The following ARRDC3 variants were observed in gnomAD, a reference collection of about 807,000 sequenced individuals.
The protein encoded by ARRDC3 is arrestin domain-containing protein 3.
In ARRDC3, 10 loss-of-function variants were observed where a neutral mutation model predicts 47.2. The ratio of observed to expected loss-of-function variants is 0.21; its 90% confidence interval spans 0.13 to 0.36. The LOEUF is 0.36. Among genes scored for constraint, ARRDC3 ranks in the 10% least tolerant of loss-of-function variants. The pLI, the probability that ARRDC3 is intolerant of heterozygous loss-of-function variation, is 1.00. For missense variants in ARRDC3, 381 were observed against 503.6 expected (o/e 0.76, Z 2.33); for synonymous variants, 156 against 178.3 (o/e 0.87, Z 1.00).
rs539765237 is a variant in ARRDC3 at position 91,374,410 on chromosome 5, C to A, written c.871-134G>T. 2.7e-5 allele frequency: 20 copies of A among 739,742 alleles called. No individual in the cohort carries two copies. The East Asian group carries it at 4.9e-4, about 18-fold the overall frequency. 45.8% of individuals were successfully genotyped at this position (739,742 alleles called of 1,614,324 possible). On this transcript the variant is annotated intron_variant, in intron 5 of 7. Transcript: ENST00000265138. Reference sequence around the variant, plus strand: ...AAACTTACATACATGAAAAGTTTCTCTTTTATGTATAATTCTGTATAGTAC... The same window carrying A: ...AAACTTACATACATGAAAAGTTTCTATTTTATGTATAATTCTGTATAGTAC...
In ARRDC3 at chr5:91,371,085, C is replaced by A; in HGVS notation, c.*315G>T. On this transcript the variant is annotated 3_prime_UTR_variant, in exon 8 of 8. Transcript: ENST00000265138. ...TAAGCATTGAGCATGTGCAAATTTT[C>A]AAATCAAAAGAAGGAAATCATCCCT... 1 of 233,156 alleles carries A rather than the reference C, an allele frequency of 4.3e-6. No individual in the cohort carries two copies. The highest frequency in any genetic ancestry group is 8.3e-6 in the Non-Finnish European group (1 of 121,196). 14.4% of individuals were successfully genotyped at this position (233,156 alleles called of 1,614,324 possible).
At chr5:91,379,322 G>C (rs1407953753) in intron 1 of ARRDC3, among the ~76,000 whole-genome samples, 1 of 139,158 alleles carries the variant, frequency 7.2e-6, no homozygotes, top group Admixed American at 7.1e-5. Flanking sequence ...GCCACACATT[G>C]ATTTTAATGT....
At chr5:91,381,392 A>G (rs1799455287) in intron 1 of ARRDC3, among the ~76,000 whole-genome samples, 1 of 152,236 alleles carries the variant, frequency 6.6e-6, no homozygotes, top group African/African-American at 2.4e-5. Flanking sequence ...TCAGAAAGGT[A>G]CAAACACAAA....
chr5:91,380,023 C>T (rs923645196), intron 1 of ARRDC3: 1 of 152,228 alleles, frequency 6.6e-6, no homozygotes, highest in Non-Finnish European at 1.5e-5. Flanking sequence ...CTCGAAGGCG[C>T]CCGAAGTTCG....
At chr5:91,375,451 A>G (rs1799279177) in intron 4 of ARRDC3, 60 bp downstream of exon 4, 3 of 1,170,916 alleles carry the variant, frequency 2.6e-6, no homozygotes, top group Non-Finnish European at 3.7e-6. Flanking sequence ...TCATATTATA[A>G]ATTTAAACAC....
chr5:91,379,467 C>A (rs1284101646), intron 1 of ARRDC3, among the ~76,000 whole-genome samples: 1 of 151,894 alleles, frequency 6.6e-6, no homozygotes, highest in East Asian at 1.9e-4. Flanking sequence ...TTACAAAGAA[C>A]CGCATTTAGG....
intron 7 of ARRDC3, among the ~76,000 whole-genome samples, chr5:91,371,846 A>G (rs1042021023): frequency 6.6e-6 from 1 of 152,172 alleles, no homozygotes; most frequent in African/African-American, 2.4e-5. Flanking sequence ...TTTGTAAAGC[A>G]CCCCTTTCAT....
intron 1 of ARRDC3, among the ~76,000 whole-genome samples, chr5:91,381,702 T>C (rs1394899256): frequency 6.6e-6 from 1 of 152,014 alleles, no homozygotes; most frequent in Non-Finnish European, 1.5e-5. Context: ...TTCTGAAAAA[T>C]CGCCAACATC....
chr5:91,379,437 A>G (rs1468978316), intron 1 of ARRDC3, among the ~76,000 whole-genome samples: 1 of 152,202 alleles, frequency 6.6e-6, no homozygotes, highest in Non-Finnish European at 1.5e-5. Flanking sequence ...TAAAACTTGC[A>G]TAAACTATAC....
At chr5:91,373,509 GCAT>G (rs1322204941) in intron 7 of ARRDC3, among the ~76,000 whole-genome samples, 172 bp downstream of exon 7, 2 of 152,066 alleles carry the variant, frequency 1.3e-5, no homozygotes, top group African/African-American at 4.8e-5. Flanking sequence ...TCCTACCTCT[GCAT>G]CAAACTTAGT....
chr5:91,371,318 T>C lies in ARRDC3; in HGVS notation c.*82A>G. 8.1e-7 allele frequency: 1 copy of C among 1,240,858 alleles called. No homozygotes were observed. Among genetic ancestry groups the C allele is most frequent in the Non-Finnish European group, 1.2e-6 (1 of 867,210 alleles). 76.9% of individuals were successfully genotyped at this position (1,240,858 alleles called of 1,614,324 possible). On this transcript the variant is annotated 3_prime_UTR_variant, in exon 8 of 8. Coordinates refer to ENST00000265138, the MANE Select transcript of ARRDC3 (RefSeq NM_020801.4). ...AAGTAATTCCACTTCCTCTGAAACGTGTCTCCAAGATACTTCTCTGTCCTC... is the reference window on the plus strand; with the variant it reads ...AAGTAATTCCACTTCCTCTGAAACGCGTCTCCAAGATACTTCTCTGTCCTC...
chr5:91,383,284 C>G lies in ARRDC3; in HGVS notation c.-192G>C, dbSNP rs779372266. On this transcript the variant is annotated 5_prime_UTR_variant, in exon 1 of 8. Coordinates refer to ENST00000265138, the MANE Select transcript of ARRDC3 (RefSeq NM_020801.4). ...GGGCAGCAGAGGCTGCTGCTCCGCG[C>G]TCCCGCTCGTCTCAGTGGTCTCCTT... is the stretch of plus-strand genomic sequence containing the variant. 3 of 562,902 alleles carry G rather than the reference C, an allele frequency of 5.3e-6. No homozygotes were observed. The highest frequency in any genetic ancestry group is 6.2e-5 in the East Asian group (2 of 32,242). 34.9% of individuals were successfully genotyped at this position (562,902 alleles called of 1,614,324 possible). A position where few individuals can be genotyped will look rare whatever the true frequency, so the allele number is the denominator to read the frequency against.
chr5:91,378,832 G>A (rs975988684), intron 1 of ARRDC3, 57 bp from the exon 2 acceptor site: 3 of 1,127,312 alleles, frequency 2.7e-6, no homozygotes, highest in South Asian at 1.5e-5. Context: ...TACATACTCC[G>A]CAGGGTGGCA....
rs35213327 is a variant in ARRDC3 at position 91,377,571 on chromosome 5, ATT to A, written c.363-805_363-804del. 3.6e-3 allele frequency among the ~76,000 whole-genome samples: 523 copies of A among 145,532 alleles called. 2 individuals carry two copies. Among genetic ancestry groups the A allele is most frequent in the African/African-American group, 8.8e-3 (349 of 39,680 alleles). On this transcript the variant is annotated intron_variant, in intron 2 of 7. Coordinates refer to ENST00000265138, the MANE Select transcript of ARRDC3 (RefSeq NM_020801.4). The stretch of plus-strand genomic sequence containing the variant: ...CATAAGAAACACTGGTGTTTTCATA[ATT>A]TTTTTTTTTTTTTGCATTTTAGACT...
intron 1 of ARRDC3, chr5:91,380,779 C>G (rs1407363242): frequency 1.3e-5 from 2 of 152,302 alleles, no homozygotes; most frequent in African/African-American, 4.8e-5. Context: ...CCATCCAGCA[C>G]CTGTAAGGCC....
Position 91,376,684 on chromosome 5 carries a change from T to C in ARRDC3, c.447A>G (p.Pro149=). ...KAELHRPWLL[P]VKLKKEFTVF... The stretch of plus-strand genomic sequence containing the variant: ...CTGTAAATTCCTTCTTTAATTTTAC[T>C]GGTAGTAGCCAAGGCCTGTGCAATT... The change falls in exon 3 of 8, where the codon CCA becomes CCG. Residue 149 remains proline (P), a synonymous_variant. Coordinates refer to ENST00000265138, the MANE Select transcript of ARRDC3 (RefSeq NM_020801.4). The C allele has an allele frequency of 6.2e-7, 1 of 1,613,816 alleles. No homozygotes were observed. The highest frequency in any genetic ancestry group is 8.5e-7 in the Non-Finnish European group (1 of 1,179,754).
rs763906552 is a variant in ARRDC3 at position 91,374,907 on chromosome 5, T to C, written c.870+15A>G. ...AGAAAAAAGAAAGGAAAAAACCTCT[T>C]AAATGTGTACATACCATTAGTGAAT... On this transcript the variant is annotated intron_variant, in intron 5 of 7. Transcript: ENST00000265138. The C allele has an allele frequency of 6.2e-7, 1 of 1,609,884 alleles. No individual in the cohort carries two copies. The highest frequency in any genetic ancestry group is 1.1e-5 in the South Asian group (1 of 90,884).
Position 91,369,441 on chromosome 5 carries a change from C to G in ARRDC3, c.*1959G>C, listed in dbSNP as rs552144073. 1 of 152,286 alleles carries G rather than the reference C, an allele frequency of 6.6e-6. No homozygotes were observed. The highest frequency in any genetic ancestry group is 2.1e-4 in the South Asian group (1 of 4,800). The allele number at this position is 152,286 out of a possible 1,614,324, so 9.4% of individuals were successfully genotyped here. A position where few individuals can be genotyped will look rare whatever the true frequency, so the allele number is the denominator to read the frequency against. ...TATTAGTTTGCTACGGGAGCCCAAA[C>G]TCTTTAACCGAATCACTTAAAACGC... On this transcript the variant is annotated 3_prime_UTR_variant, in exon 8 of 8. Coordinates refer to ENST00000265138, the MANE Select transcript of ARRDC3 (RefSeq NM_020801.4).
In ARRDC3 at chr5:91,379,292, T is replaced by TAAAAAAAAAA. The variant is rs377674022; in HGVS notation, c.281-527_281-518dup. Among the ~76,000 whole-genome samples the TAAAAAAAAAA allele has an allele frequency of 2.8e-5, 3 of 107,780 alleles. 1 individual carries two copies. Among genetic ancestry groups the TAAAAAAAAAA allele is most frequent in the East Asian group, 2.6e-4 (1 of 3,844 alleles). 70.7% of individuals were successfully genotyped at this position (107,780 alleles called of 152,430 possible). Reference sequence around the variant, plus strand: ...AGAAAACCTTGTCAAATAGACGGAGTAAAAAAAAAAAAAAAAAAAGCCACA... The same window carrying TAAAAAAAAAA: ...AGAAAACCTTGTCAAATAGACGGAGTAAAAAAAAAAAAAAAAAAAAAAAAAAAAAGCCACA... On this transcript the variant is annotated intron_variant, in intron 1 of 7. Coordinates refer to ENST00000265138, the MANE Select transcript of ARRDC3 (RefSeq NM_020801.4).
Sources: gnomAD v4.1 joint callset for allele counts (sites outside exome capture counted in the v4.1 genomes callset) on GRCh38, gnomAD v4.1.1 for gene constraint, MANE v1.5 for transcripts, NCBI Gene and HGNC (gene_info 2026-07-23, HGNC 2026-07-21) for gene names.